GPATCH2: variants seen among roughly 807,000 people sequenced by gnomAD.
GPATCH2 encodes G-patch domain containing 2.
A neutral mutation model predicts 58.0 loss-of-function variants in GPATCH2; 51 were observed. The ratio of observed to expected loss-of-function variants is 0.88; its 90% CI spans 0.70 to 1.11. GPATCH2 has a LOEUF of 1.11. Among genes scored for constraint, GPATCH2 ranks in the 50% most tolerant of loss-of-function variants. GPATCH2 has a pLI of 0.00. For missense variants in GPATCH2, 625 were observed against 652.2 expected, an observed-to-expected ratio of 0.96 and a Z score of 0.45; for synonymous variants, 222 against 218.5, an observed-to-expected ratio of 1.02 and a Z score of -0.14.
chr1:217,597,926 T>C (rs1219995816), intron 5 of GPATCH2, among the ~76,000 whole-genome samples: 1 of 152,224 alleles, frequency 6.6e-6, no homozygotes, highest in African/African-American at 2.4e-5. Context: ...CATCCAATCA[T>C]GTTTTTAATG....
intron 6 of GPATCH2, 158 bp from the exon 7 acceptor site, chr1:217,498,553 C>G: frequency 6.1e-6 from 4 of 657,418 alleles, no homozygotes; most frequent in African/African-American, 1.8e-5. Context: ...AGACTTAGAC[C>G]AATTTTGACA....
At chr1:217,551,458 C>G (rs1665355403) in intron 5 of GPATCH2, among the ~76,000 whole-genome samples, 1 of 152,104 alleles carries the variant, frequency 6.6e-6, no homozygotes. Flanking sequence ...CCTAATTTAA[C>G]AAGCCTTCCA....
At chr1:217,521,805 T>C (rs916702987) in intron 5 of GPATCH2, among the ~76,000 whole-genome samples, 1 of 151,808 alleles carries the variant, frequency 6.6e-6, no homozygotes, top group African/African-American at 2.4e-5. Context: ...AAAAAAAAAA[T>C]AGCCAAAGAT....
intron 6 of GPATCH2, among the ~76,000 whole-genome samples, chr1:217,504,173 C>T (rs549572865): frequency 1.3e-5 from 2 of 152,128 alleles, no homozygotes; most frequent in East Asian, 3.9e-4. Context: ...GTATGAACCT[C>T]AAACAACAAA....
chr1:217,613,853 G>T (rs927557279), intron 3 of GPATCH2, among the ~76,000 whole-genome samples: 1 of 152,092 alleles, frequency 6.6e-6, no homozygotes, highest in African/African-American at 2.4e-5. Context: ...CTTGCTAAAA[G>T]AGAGAAAATC....
chr1:217,564,587 G>C (rs2102700113), intron 5 of GPATCH2, among the ~76,000 whole-genome samples: 1 of 152,268 alleles, frequency 6.6e-6, no homozygotes, highest in East Asian at 1.9e-4. Context: ...AAATGCAACA[G>C]AATGTCCCAT....
chr1:217,583,888 G>C (rs1385093586), intron 5 of GPATCH2, among the ~76,000 whole-genome samples: 1 of 151,962 alleles, frequency 6.6e-6, no homozygotes, highest in Non-Finnish European at 1.5e-5. Context: ...TTAAAATGTT[G>C]AGAAAAATTA....
chr1:217,500,512 G>A (rs760137689), intron 6 of GPATCH2, among the ~76,000 whole-genome samples: 7 of 151,958 alleles, frequency 4.6e-5, no homozygotes, highest in Admixed American at 2.6e-4. Context: ...GTTGAGAAGC[G>A]TATTGTTTGA....
intron 8 of GPATCH2, among the ~76,000 whole-genome samples, chr1:217,472,442 C>CA: frequency 6.6e-6 from 1 of 151,988 alleles, no homozygotes; most frequent in South Asian, 2.1e-4. Context: ...GCTGGGACTA[C>CA]AGGCGCCCGC....
chr1:217,541,875 A>C (rs1664761556), intron 5 of GPATCH2, among the ~76,000 whole-genome samples: 1 of 152,196 alleles, frequency 6.6e-6, no homozygotes, highest in South Asian at 2.1e-4. Flanking sequence ...GAACACCCAA[A>C]TTTAGTTGGA....
chr1:217,526,125 A>G (rs1048998720), intron 5 of GPATCH2, among the ~76,000 whole-genome samples: 6 of 152,210 alleles, frequency 3.9e-5, no homozygotes, highest in Non-Finnish European at 7.4e-5. Flanking sequence ...CATCAGGGGA[A>G]AAAATTACAG....
At chr1:217,479,003 A>G (rs1661095323) in intron 8 of GPATCH2, among the ~76,000 whole-genome samples, 1 of 152,094 alleles carries the variant, frequency 6.6e-6, no homozygotes, top group Admixed American at 6.5e-5. Flanking sequence ...GAAAAAAAAA[A>G]CTTTTACTCT....
At chr1:217,594,974 G>C (rs556781014) in intron 5 of GPATCH2, among the ~76,000 whole-genome samples, 3 of 152,208 alleles carry the variant, frequency 2.0e-5, no homozygotes, top group African/African-American at 7.2e-5. Flanking sequence ...GAAAGTAAAG[G>C]CATTTCAGTA....
intron 6 of GPATCH2, among the ~76,000 whole-genome samples, chr1:217,508,964 T>C (rs893928430): frequency 2.1e-4 from 32 of 152,232 alleles, no homozygotes; most frequent in African/African-American, 2.4e-5. Flanking sequence ...AGACAATTCA[T>C]ACATTGTTGT....
chr1:217,493,693 T>A (rs995858721), intron 7 of GPATCH2, among the ~76,000 whole-genome samples: 3 of 152,176 alleles, frequency 2.0e-5, no homozygotes, highest in African/African-American at 7.2e-5. Context: ...CACTAAATTG[T>A]TTCTGAAAAT....
At chr1:217,457,157 G>A (rs994477587) in intron 8 of GPATCH2, among the ~76,000 whole-genome samples, 1 of 152,206 alleles carries the variant, frequency 6.6e-6, no homozygotes, top group Admixed American at 6.5e-5. Flanking sequence ...TCACACTGGG[G>A]CAGCTGTGGT....
chr1:217,583,457 G>A lies in GPATCH2; in HGVS notation c.1098+26864C>T, dbSNP rs531882042. 1.4e-4 allele frequency among the ~76,000 whole-genome samples: 21 copies of A among 151,592 alleles called. No homozygotes were observed. In the South Asian group the frequency reaches 4.0e-3, roughly 29 times the overall value. ...GTGGTGGCACGTGCCTGTAATCCCAGCTACTCAGGAGGCTGAGGCAGGAGA... is the reference window on the plus strand; with the variant it reads ...GTGGTGGCACGTGCCTGTAATCCCAACTACTCAGGAGGCTGAGGCAGGAGA... On this transcript the variant is annotated intron_variant, in intron 5 of 9. Coordinates refer to ENST00000366935, the MANE Select transcript of GPATCH2 (RefSeq NM_018040.5).
At chr1:217,455,311 C>T (rs551286959) in intron 8 of GPATCH2, among the ~76,000 whole-genome samples, 3 of 152,170 alleles carry the variant, frequency 2.0e-5, no homozygotes, top group South Asian at 4.1e-4. Flanking sequence ...GTGATGGAGG[C>T]TCTTTCTAAT....
chr1:217,528,871 A>G (rs907547536), intron 5 of GPATCH2, among the ~76,000 whole-genome samples: 1 of 152,170 alleles, frequency 6.6e-6, no homozygotes, highest in Non-Finnish European at 1.5e-5. Context: ...AAGAAAGCAA[A>G]GGGACTTGAA....
Sources: gnomAD v4.1 joint callset for allele counts (sites outside exome capture counted in the v4.1 genomes callset) on GRCh38, gnomAD v4.1.1 for gene constraint, MANE v1.5 for transcripts, NCBI Gene and HGNC (gene_info 2026-07-23, HGNC 2026-07-21) for gene names.